Variants in AXDND1 observed in about 807,000 individuals in gnomAD.
The protein encoded by AXDND1 is axonemal dynein light chain domain-containing protein 1.
AXDND1 carries 110 observed loss-of-function variants against 137.5 expected under a neutral mutation model. The observed-to-expected ratio is 0.80, with a 90% CI of 0.69 to 0.94. AXDND1 has a LOEUF of 0.94. Among genes scored for constraint, AXDND1 ranks in the 40% least tolerant of loss-of-function variants. The probability of loss-of-function intolerance (pLI) is 0.00; values close to 1 mark genes in which losing one functional copy is unlikely to be tolerated. For synonymous variants in AXDND1, 414 were observed against 399.7 expected, an observed-to-expected ratio of 1.04 and a Z score of -0.43; for missense variants, 1,191 against 1,169.8, an observed-to-expected ratio of 1.02 and a Z score of -0.26.
intron 15 of AXDND1, among the ~76,000 whole-genome samples, chr1:179,442,859 C>T (rs905684611): frequency 2.0e-5 from 3 of 151,886 alleles, no homozygotes; most frequent in Admixed American, 6.6e-5. Flanking sequence ...GTGGGGCGAA[C>T]GTGGGAATAA....
intron 7 of AXDND1, 134 bp from the exon 8 acceptor site, chr1:179,383,308 G>T: frequency 1.5e-6 from 1 of 653,926 alleles, no homozygotes; most frequent in Non-Finnish European, 2.6e-6. Flanking sequence ...AATAGACACA[G>T]GTCTAATGCT....
chr1:179,455,344 G>T (rs931005812), intron 16 of AXDND1: 1 of 148,364 alleles, frequency 6.7e-6, no homozygotes, highest in African/African-American at 2.5e-5. Flanking sequence ...TGTAATCCCA[G>T]CACTTTGAGA....
intron 15 of AXDND1, 97 bp from the exon 16 acceptor site, chr1:179,444,873 A>G (rs1036280122): frequency 3.9e-6 from 3 of 769,882 alleles, no homozygotes; most frequent in Admixed American, 5.5e-5. Context: ...TGCAACTCCA[A>G]AATAATTGGG....
chr1:179,515,573 A>T (rs191627827), intron 21 of AXDND1, among the ~76,000 whole-genome samples: 31 of 152,240 alleles, frequency 2.0e-4, no homozygotes, highest in Non-Finnish European at 4.4e-5. Context: ...TTTTGCGATG[A>T]ATTTCCCAGG....
At chr1:179,452,835 CAT>C (rs1457515087) in intron 16 of AXDND1, 1 of 151,030 alleles carries the variant, frequency 6.6e-6, no homozygotes, top group Non-Finnish European at 1.5e-5. Flanking sequence ...GTCTTCAGGG[CAT>C]GTCATAGGTC....
intron 18 of AXDND1, among the ~76,000 whole-genome samples, chr1:179,488,640 TTTCTTTCTTTC>T (rs1666416953): frequency 2.7e-5 from 1 of 36,464 alleles, no homozygotes; most frequent in Admixed American, 3.3e-4. Flanking sequence ...CTCTCCTTTC[TTTCTTTCTTTC>T]TTTCTTTCTT....
intron 25 of AXDND1, among the ~76,000 whole-genome samples, chr1:179,541,181 G>A (rs1235392712): frequency 6.6e-6 from 1 of 152,194 alleles, no homozygotes. Flanking sequence ...CGAAGACCAC[G>A]GGAAAAGCAT....
rs141778910 is a variant in AXDND1, at chr1:179,526,130, T to C, written c.2610+683T>C. Among the ~76,000 whole-genome samples, 416 of 152,126 alleles carry C rather than the reference T, an allele frequency of 2.7e-3. 3 individuals are homozygous for C. The highest frequency in any genetic ancestry group is 9.7e-3 in the African/African-American group (404 of 41,506). ...ACACTTTAAAACTCCATATTTCTAC[T>C]TCTTCAGCTCCCATTCTGAGCTGCC... On this transcript the variant is annotated intron_variant, in intron 22 of 25. Transcript: ENST00000367618.
At chr1:179,457,151 T>G in intron 16 of AXDND1, 2 of 850,962 alleles carry the variant, frequency 2.4e-6, no homozygotes, top group East Asian at 2.4e-5. Context: ...CGCAGTGGCA[T>G]GTGAGACAAA....
chr1:179,538,157 T>G (rs1236586518), intron 25 of AXDND1, among the ~76,000 whole-genome samples: 1 of 152,196 alleles, frequency 6.6e-6, no homozygotes, highest in Non-Finnish European at 1.5e-5. Flanking sequence ...CTGGATTCAT[T>G]GATTTTTTGA....
At chr1:179,429,655 G>T in intron 13 of AXDND1, 36 bp downstream of exon 13, 9 of 1,317,144 alleles carry the variant, frequency 6.8e-6, no homozygotes, top group Non-Finnish European at 9.3e-6. Context: ...GGGAAAAAAA[G>T]ATGCCAAGTG....
At chr1:179,490,783 C>T (rs1265899672) in intron 18 of AXDND1, among the ~76,000 whole-genome samples, 4 of 147,526 alleles carry the variant, frequency 2.7e-5, no homozygotes, top group African/African-American at 1.0e-4. Flanking sequence ...TTTTATCACA[C>T]AACCACCAAT....
chr1:179,552,753 G>T, intron 25 of AXDND1: 4 of 1,168,962 alleles, frequency 3.4e-6, no homozygotes, highest in Non-Finnish European at 2.5e-6. Context: ...ACACAGACTT[G>T]CAAGCCTCTC....
intron 2 of AXDND1, among the ~76,000 whole-genome samples, chr1:179,368,239 A>G (rs554643490): frequency 2.0e-4 from 30 of 152,256 alleles, no homozygotes; most frequent in African/African-American, 6.0e-4. Context: ...CTCTTTTTAC[A>G]GTTCCCATTC....
chr1:179,462,682 G>C (rs1432905974), intron 16 of AXDND1, among the ~76,000 whole-genome samples: 1 of 151,136 alleles, frequency 6.6e-6, no homozygotes, highest in East Asian at 1.9e-4. Flanking sequence ...GTCCTGGTTG[G>C]TAAGCTATTA....
At chr1:179,398,928 G>T (rs1651505830) in intron 11 of AXDND1, among the ~76,000 whole-genome samples, 1 of 152,180 alleles carries the variant, frequency 6.6e-6, no homozygotes, top group Admixed American at 6.5e-5. Flanking sequence ...GCAGGGCAGG[G>T]TGTATGCACA....
chr1:179,398,494 A>G (rs558767436), intron 11 of AXDND1, among the ~76,000 whole-genome samples: 1 of 152,246 alleles, frequency 6.6e-6, no homozygotes, highest in Admixed American at 6.5e-5. Context: ...AGTAGTGGCA[A>G]TGTTGTGGGG....
At chr1:179,486,809 A>G (rs1240954246) in intron 18 of AXDND1, among the ~76,000 whole-genome samples, 3 of 148,774 alleles carry the variant, frequency 2.0e-5, no homozygotes, top group Non-Finnish European at 4.4e-5. Context: ...GATGTGCCTT[A>G]CAGGAGGTCC....
intron 15 of AXDND1, among the ~76,000 whole-genome samples, chr1:179,440,833 C>A (rs1163359214): frequency 6.6e-6 from 1 of 152,134 alleles, no homozygotes; most frequent in East Asian, 1.9e-4. Flanking sequence ...ATGCGACCGG[C>A]TACATTTACA....
Sources: allele counts gnomAD v4.1 joint callset (sites outside exome capture counted in the v4.1 genomes callset), GRCh38; gene constraint gnomAD v4.1.1; transcripts MANE v1.5; gene names NCBI Gene and HGNC (gene_info 2026-07-23, HGNC 2026-07-21).